Variants in ZNF420 observed in about 807,000 individuals in gnomAD.
ZNF420 encodes the protein zinc finger protein 420.
In ZNF420, 31 loss-of-function variants were observed where a neutral mutation model predicts 44.7. That is an observed-to-expected ratio of 0.69 (90% CI 0.52 to 0.94). The LOEUF (loss-of-function observed/expected upper bound fraction) is 0.94, where lower values mean the gene tolerates loss of function less well. Ranked by LOEUF, ZNF420 falls within the 40% of genes least tolerant of loss-of-function variation. The pLI is 0.00. For synonymous variants in ZNF420, 245 were observed against 267.4 expected, an observed-to-expected ratio of 0.92 and a Z score of 0.82; for missense variants, 681 against 827.9, an observed-to-expected ratio of 0.82 and a Z score of 2.18.
chr19:37,124,556 C>T (rs528942211), intron 4 of ZNF420, among the ~76,000 whole-genome samples: 1 of 152,234 alleles, frequency 6.6e-6, no homozygotes, highest in Non-Finnish European at 1.5e-5. Context: ...TTTGCACTCT[C>T]AGCAACAGTA....
At chr19:37,095,747 C>T (rs796863492) in intron 4 of ZNF420, among the ~76,000 whole-genome samples, 16 of 152,136 alleles carry the variant, frequency 1.1e-4, no homozygotes, top group African/African-American at 3.4e-4. Context: ...TACAGGCGCC[C>T]GCAGCCAAGC....
intron 1 of ZNF420, among the ~76,000 whole-genome samples, chr19:37,052,722 A>G (rs998703595): frequency 2.0e-5 from 3 of 152,204 alleles, no homozygotes; most frequent in South Asian, 2.1e-4. Flanking sequence ...AGTTTCTGCC[A>G]AGAGATCAGC....
At chr19:37,105,210 T>C (rs921731931) in intron 4 of ZNF420, among the ~76,000 whole-genome samples, 1 of 152,248 alleles carries the variant, frequency 6.6e-6, no homozygotes, top group African/African-American at 2.4e-5. Context: ...TTCAGCTTTC[T>C]ACATATGGCT....
chr19:37,064,947 G>A (rs138554444), intron 1 of ZNF420, among the ~76,000 whole-genome samples: 38 of 152,328 alleles, frequency 2.5e-4, no homozygotes, highest in Middle Eastern at 3.4e-3. Flanking sequence ...CATCACAATC[G>A]TAGAGGCTGC....
At chr19:37,097,961 G>A (rs1969552546) in intron 4 of ZNF420, among the ~76,000 whole-genome samples, 1 of 151,984 alleles carries the variant, frequency 6.6e-6, no homozygotes, top group Admixed American at 6.6e-5. Context: ...TGTACGATTG[G>A]AATTATATAT....
intron 1 of ZNF420, among the ~76,000 whole-genome samples, chr19:37,035,511 C>T (rs922496237): frequency 3.3e-5 from 5 of 152,082 alleles, no homozygotes; most frequent in South Asian, 4.1e-4. Context: ...AAAAAGTCTG[C>T]GTGTATGGTA....
Position 37,091,083 on chromosome 19 carries a change from A to T in ZNF420, c.98A>T (p.Asp33Val), listed in dbSNP as rs771510245. The T allele has an allele frequency of 1.2e-6, 2 of 1,606,082 alleles. No homozygotes were observed. The highest frequency in any genetic ancestry group is 2.3e-5 in the South Asian group (2 of 88,172). The change falls in exon 4 of 5, where the codon GAT (aspartate) becomes GTT (valine). Residue 33 changes from aspartate (D) to valine (V), a missense_variant. By Grantham distance (152) the Asp-to-Val change is radical. Coordinates refer to ENST00000337995, the MANE Select transcript of ZNF420 (RefSeq NM_144689.5). ...TCTGCTCAGAGAGATTTGTATAGAG[A>T]TGTGATGTTGGAGAACTATAGCAAC... ...LDSAQRDLYRDVMLENYSNLV... is the reference protein window; with the variant it reads ...LDSAQRDLYRVVMLENYSNLV...
At chr19:37,056,304 T>C (rs1452808943) in intron 1 of ZNF420, among the ~76,000 whole-genome samples, 7 of 152,160 alleles carry the variant, frequency 4.6e-5, no homozygotes, top group Non-Finnish European at 8.8e-5. Context: ...AGGTGGGCTA[T>C]GCTTTTATGT....
At chr19:37,052,802 CTTCAT>C (rs913581699) in intron 1 of ZNF420, among the ~76,000 whole-genome samples, 3 of 152,126 alleles carry the variant, frequency 2.0e-5, no homozygotes, top group African/African-American at 7.2e-5. Flanking sequence ...ACATTTTTTC[CTTCAT>C]TTCAACTTTG....
Position 37,111,116 on chromosome 19 carries a change from G to A in ZNF420, c.137-16012G>A, listed in dbSNP as rs1970365751. On this transcript the variant is annotated intron_variant, in intron 4 of 4. Coordinates refer to ENST00000337995, the MANE Select transcript of ZNF420 (RefSeq NM_144689.5). The stretch of plus-strand genomic sequence containing the variant: ...AAGTCTTAATTGTACTGTGAGGAAG[G>A]AATGACCACTCCACAAGATCAGTAT... Among the ~76,000 whole-genome samples, 3 of 152,208 alleles carry A rather than the reference G, an allele frequency of 2.0e-5. 1 individual carries two copies. In the South Asian group the frequency reaches 6.2e-4, roughly 31 times the overall value.
chr19:37,091,606 T>C (rs1599661767), intron 4 of ZNF420: 1 of 152,348 alleles, frequency 6.6e-6, no homozygotes, highest in Non-Finnish European at 1.5e-5. Context: ...TTGTCTTATA[T>C]GTGCTTGGTA....
intron 1 of ZNF420, among the ~76,000 whole-genome samples, chr19:37,064,938 A>G (rs1264688666): frequency 1.3e-5 from 2 of 152,216 alleles, no homozygotes; most frequent in Non-Finnish European, 2.9e-5. Context: ...CCAGGGGGCC[A>G]TCACAATCGT....
intron 3 of ZNF420, 80 bp from the exon 4 acceptor site, chr19:37,090,915 A>G (rs1019812897): frequency 2.8e-6 from 4 of 1,432,946 alleles, no homozygotes; most frequent in Admixed American, 2.2e-5. Flanking sequence ...GCAAGACTCC[A>G]TCTCAAAAAA....
chr19:37,028,392 C>T (rs1194066257), intron 1 of ZNF420, among the ~76,000 whole-genome samples: 1 of 152,100 alleles, frequency 6.6e-6, no homozygotes, highest in Non-Finnish European at 1.5e-5. Context: ...ACCTGGTTGT[C>T]CATAAATATT....
At chr19:37,029,461 C>T (rs1599603526) in intron 1 of ZNF420, among the ~76,000 whole-genome samples, 2 of 152,218 alleles carry the variant, frequency 1.3e-5, no homozygotes, top group South Asian at 4.1e-4. Flanking sequence ...TCATGCACTC[C>T]AGTCATTCAG....
intron 1 of ZNF420, among the ~76,000 whole-genome samples, chr19:37,033,021 A>G (rs1321966948): frequency 6.6e-6 from 1 of 152,274 alleles, no homozygotes; most frequent in Admixed American, 6.5e-5. Flanking sequence ...AATGTCACAT[A>G]TGGATATTCA....
intron 1 of ZNF420, among the ~76,000 whole-genome samples, chr19:37,017,679 A>G (rs903805115): frequency 6.6e-6 from 1 of 152,222 alleles, no homozygotes; most frequent in Non-Finnish European, 1.5e-5. Flanking sequence ...TCAACATAAT[A>G]AAAGTTTTAT....
At chr19:37,069,259 C>T (rs1968017731) in intron 1 of ZNF420, among the ~76,000 whole-genome samples, 1 of 151,900 alleles carries the variant, frequency 6.6e-6, no homozygotes, top group African/African-American at 2.4e-5. Flanking sequence ...ACTTTCACTG[C>T]CCACAAAAGT....
At chr19:37,024,983 A>G in intron 1 of ZNF420, 1 of 208,558 alleles carries the variant, frequency 4.8e-6, no homozygotes. Context: ...GCTTCTCTCC[A>G]GTATGAATAC....
Sources: gnomAD v4.1 joint callset for allele counts (sites outside exome capture counted in the v4.1 genomes callset) on GRCh38, gnomAD v4.1.1 for gene constraint, MANE v1.5 for transcripts, NCBI Gene and HGNC (gene_info 2026-07-23, HGNC 2026-07-21) for gene names.